The following MEI4 variants were observed in gnomAD, a reference collection of about 807,000 sequenced individuals.
The protein encoded by MEI4 is meiosis-specific protein MEI4.
MEI4 carries 27 observed loss-of-function variants against 31.4 expected under a neutral mutation model. That is an observed-to-expected ratio of 0.86 (90% CI 0.63 to 1.19). The LOEUF (loss-of-function observed/expected upper bound fraction) is 1.19, where lower values mean the gene tolerates loss of function less well. MEI4 is among the 50% of genes most tolerant of loss of function. The pLI, the probability that MEI4 is intolerant of heterozygous loss-of-function variation, is 0.00. For synonymous variants in MEI4, 122 were observed against 145.4 expected (o/e 0.84, Z 1.16); for missense variants, 329 against 398.9 (o/e 0.82, Z 1.49).
intron 2 of MEI4, among the ~76,000 whole-genome samples, chr6:77,699,172 AT>A (rs1041800047): frequency 1.5e-5 from 2 of 132,090 alleles, no homozygotes; most frequent in Non-Finnish European, 3.2e-5. Flanking sequence ...CATTCGTCTA[AT>A]TTTTTTTCAA....
chr6:77,877,675 AG>A (rs1321961043), intron 4 of MEI4, among the ~76,000 whole-genome samples: 1 of 145,308 alleles, frequency 6.9e-6, no homozygotes, highest in Non-Finnish European at 1.5e-5. Context: ...TTTGTTTTGG[AG>A]GGGGGAAAAT....
intron 3 of MEI4, among the ~76,000 whole-genome samples, chr6:77,795,510 T>G (rs1769050739): frequency 6.6e-6 from 1 of 151,980 alleles, no homozygotes; most frequent in South Asian, 2.1e-4. Context: ...GAGTCAGTTT[T>G]TTGAAAAGGT....
intron 4 of MEI4, among the ~76,000 whole-genome samples, chr6:77,861,163 A>G (rs1770856174): frequency 1.3e-5 from 2 of 152,294 alleles, no homozygotes; most frequent in Admixed American, 1.3e-4. Context: ...CTCCATTTGT[A>G]TGTCTTGTTC....
intron 4 of MEI4, among the ~76,000 whole-genome samples, chr6:77,863,743 C>T (rs569176808): frequency 6.6e-6 from 1 of 152,152 alleles, no homozygotes; most frequent in African/African-American, 2.4e-5. Context: ...CACAAAGATA[C>T]TCCTCGAGAA....
intron 4 of MEI4, among the ~76,000 whole-genome samples, chr6:77,913,891 G>C (rs923825682): frequency 6.6e-6 from 1 of 151,650 alleles, no homozygotes; most frequent in African/African-American, 2.4e-5. Flanking sequence ...AAAATTAGCT[G>C]AGTGTGGTGG....
intron 2 of MEI4, among the ~76,000 whole-genome samples, chr6:77,720,540 A>G (rs1301359804): frequency 7.1e-6 from 1 of 140,160 alleles, no homozygotes; most frequent in African/African-American, 2.7e-5. Flanking sequence ...AACATATGAT[A>G]ATCTTCCAAA....
chr6:77,840,089 T>G (rs1286959040), intron 4 of MEI4, among the ~76,000 whole-genome samples: 1 of 152,088 alleles, frequency 6.6e-6, no homozygotes, highest in Non-Finnish European at 1.5e-5. Context: ...AGGAAATATA[T>G]GTGTTGTGTG....
At chr6:77,711,970 G>T (rs1427042193) in intron 2 of MEI4, among the ~76,000 whole-genome samples, 1 of 152,110 alleles carries the variant, frequency 6.6e-6, no homozygotes, top group Non-Finnish European at 1.5e-5. Context: ...ATACTCAGAA[G>T]CCCATGATTA....
intron 4 of MEI4, among the ~76,000 whole-genome samples, chr6:77,854,991 G>A (rs941255335): frequency 7.3e-6 from 1 of 137,058 alleles, no homozygotes; most frequent in Non-Finnish European, 1.6e-5. Flanking sequence ...GGGGTGGGAG[G>A]GGGGCGGTTA....
chr6:77,793,818 A>T (rs904701652), intron 3 of MEI4, among the ~76,000 whole-genome samples: 4 of 152,222 alleles, frequency 2.6e-5, no homozygotes, highest in Admixed American at 6.5e-5. Context: ...AAAAAATGAA[A>T]GCATACCACA....
chr6:77,731,687 A>C (rs575882164), intron 2 of MEI4, among the ~76,000 whole-genome samples: 5 of 151,168 alleles, frequency 3.3e-5, no homozygotes, highest in Non-Finnish European at 5.9e-5. Flanking sequence ...GGTGTTTTAG[A>C]CATGAAGTCC....
chr6:77,748,219 G>T (rs920410346), intron 2 of MEI4, among the ~76,000 whole-genome samples: 1 of 152,186 alleles, frequency 6.6e-6, no homozygotes, highest in Non-Finnish European at 1.5e-5. Context: ...CCAACCCCAC[G>T]TTTGCCTTCC....
At chr6:77,792,641 T>A (rs1278575266) in intron 3 of MEI4, among the ~76,000 whole-genome samples, 14 of 152,152 alleles carry the variant, frequency 9.2e-5, no homozygotes, top group Non-Finnish European at 5.9e-5. Context: ...CAATTTTGAG[T>A]TGATTTTTGT....
chr6:77,898,225 C>T (rs1284206120), intron 4 of MEI4, among the ~76,000 whole-genome samples: 1 of 151,964 alleles, frequency 6.6e-6, no homozygotes, highest in African/African-American at 2.4e-5. Flanking sequence ...AGAGAGTTAA[C>T]TTCATCCCCT....
chr6:77,681,649 A>C (rs1768959231), intron 1 of MEI4, among the ~76,000 whole-genome samples: 1 of 152,208 alleles, frequency 6.6e-6, no homozygotes, highest in Non-Finnish European at 1.5e-5. Flanking sequence ...TGACAAAACA[A>C]AGAAGCAATT....
intron 4 of MEI4, among the ~76,000 whole-genome samples, chr6:77,868,291 TA>T (rs1771102427): frequency 6.7e-6 from 1 of 150,146 alleles, no homozygotes; most frequent in African/African-American, 2.4e-5. Flanking sequence ...TGATTAGAGG[TA>T]GCATTATTCT....
At chr6:77,789,912 C>A (rs1768867436) in intron 3 of MEI4, among the ~76,000 whole-genome samples, 1 of 152,080 alleles carries the variant, frequency 6.6e-6, no homozygotes, top group South Asian at 2.1e-4. Flanking sequence ...TGGATATATA[C>A]CCAAAGGACT....
Position 77,711,954 on chromosome 6 carries a change from G to A in MEI4, c.232+21051G>A, listed in dbSNP as rs985634458. Among the ~76,000 whole-genome samples the A allele has an allele frequency of 4.6e-5, 7 of 152,096 alleles. 1 individual carries two copies. Among genetic ancestry groups the A allele is most frequent in the Non-Finnish European group, 7.3e-5 (5 of 68,030 alleles). On this transcript the variant is annotated intron_variant, in intron 2 of 4. Transcript: ENST00000684080. ...TATGGTGTTAAGAGTCCTTAAATTA[G>A]TAGTAATACTCAGAAGCCCATGATT... is the stretch of plus-strand genomic sequence containing the variant.
chr6:77,893,634 G>A (rs1459906821), intron 4 of MEI4, among the ~76,000 whole-genome samples: 2 of 152,204 alleles, frequency 1.3e-5, no homozygotes, highest in African/African-American at 4.8e-5. Context: ...CACTAAGGAA[G>A]TGTTATTTGA....
Sources: allele counts gnomAD v4.1 joint callset (sites outside exome capture counted in the v4.1 genomes callset), GRCh38; gene constraint gnomAD v4.1.1; transcripts MANE v1.5; gene names NCBI Gene and HGNC (gene_info 2026-07-23, HGNC 2026-07-21).